PLVAP: variants seen among roughly 807,000 people sequenced by gnomAD.
PLVAP encodes the protein plasmalemma vesicle associated protein.
In PLVAP, 34 loss-of-function variants were observed where a neutral mutation model predicts 43.1. The observed-to-expected ratio is 0.79, with a 90% CI of 0.60 to 1.05. The LOEUF is 1.05. Among genes scored for constraint, PLVAP ranks in the 50% least tolerant of loss-of-function variants. The pLI is 0.00. For synonymous variants in PLVAP, 241 were observed against 237.3 expected (o/e 1.02, Z -0.14); for missense variants, 574 against 593.4 (o/e 0.97, Z 0.34).
Position 17,366,195 on chromosome 19 carries a change from C to T in PLVAP, c.370G>A (p.Val124Ile). 1 of 1,614,038 alleles carries T rather than the reference C, an allele frequency of 6.2e-7. No homozygotes were observed. Among genetic ancestry groups the T allele is most frequent in the East Asian group, 2.2e-5 (1 of 44,876 alleles). Residue 124 changes from valine to isoleucine, a missense_variant and splice_region_variant, in exon 2 of 6, where the codon GTC becomes ATC. Physicochemically the swap from Val to Ile is conservative, Grantham distance 29 (BLOSUM62 3). Transcript: ENST00000252590. ...ASFRQCQGDR[V>I]IYTNNQRYMA... ...TACCTCTGATTGTTCGTGTAGATGACCTGCCCGGAAGATAGGGGAAGGACG... is the reference window on the plus strand; with the variant it reads ...TACCTCTGATTGTTCGTGTAGATGATCTGCCCGGAAGATAGGGGAAGGACG...
At chr19:17,362,874 T>G (rs943394353) in intron 3 of PLVAP, 1 of 151,428 alleles carries the variant, frequency 6.6e-6, no homozygotes. Flanking sequence ...TAAACACGAG[T>G]TCAACCTTCA....
chr19:17,372,384 G>T (rs1339523283), intron 1 of PLVAP, among the ~76,000 whole-genome samples: 1 of 149,972 alleles, frequency 6.7e-6, no homozygotes, highest in Admixed American at 6.7e-5. Flanking sequence ...AATCCAGCCT[G>T]GGCGACAGAG....
intron 1 of PLVAP, among the ~76,000 whole-genome samples, chr19:17,375,896 A>AC (rs1463070546): frequency 2.0e-5 from 3 of 149,966 alleles, no homozygotes; most frequent in African/African-American, 7.4e-5. Flanking sequence ...AAAAAAAAAA[A>AC]ATTGCCAGGT....
At position 17,365,183 on chromosome 19, in the gene PLVAP, A is replaced by G. The variant is rs529660815; in HGVS notation, c.1179+103T>C. Reference sequence around the variant, plus strand: ...AGTTGTAACTCACCCAACCTAGACCAGGAAGCCATCCTCAAAGCCAACTCC... The same window carrying G: ...AGTTGTAACTCACCCAACCTAGACCGGGAAGCCATCCTCAAAGCCAACTCC... On this transcript the variant is annotated intron_variant, in intron 3 of 5. Transcript: ENST00000252590. 253 of 1,052,184 alleles carry G rather than the reference A, an allele frequency of 2.4e-4. No homozygotes were observed. The African/African-American group carries it at 3.6e-3, about 15-fold the overall frequency. The allele number at this position is 1,052,184 out of a possible 1,614,324, so 65.2% of individuals were successfully genotyped here.
At chr19:17,358,000 C>G (rs900021667) in intron 5 of PLVAP, among the ~76,000 whole-genome samples, 3 of 152,208 alleles carry the variant, frequency 2.0e-5, no homozygotes, top group Non-Finnish European at 2.9e-5. Context: ...CCAGGCTGCT[C>G]ACTTCCCTGG....
intron 5 of PLVAP, among the ~76,000 whole-genome samples, chr19:17,353,203 G>C (rs1401224116): frequency 6.6e-6 from 1 of 152,162 alleles, no homozygotes; most frequent in Non-Finnish European, 1.5e-5. Flanking sequence ...CACGTTCCTT[G>C]GTTGGCTCTG....
intron 1 of PLVAP, among the ~76,000 whole-genome samples, chr19:17,367,940 C>T (rs2074556666): frequency 6.6e-6 from 1 of 152,012 alleles, no homozygotes; most frequent in Non-Finnish European, 1.5e-5. Flanking sequence ...CTCTATCACC[C>T]AGGCTGGAGT....
chr19:17,358,212 T>C (rs2074513730), intron 5 of PLVAP, among the ~76,000 whole-genome samples: 1 of 148,610 alleles, frequency 6.7e-6, no homozygotes, highest in Non-Finnish European at 1.5e-5. Flanking sequence ...GCAAAGGGGT[T>C]GAGAGACAGC....
chr19:17,369,049 C>T (rs1415851169), intron 1 of PLVAP, among the ~76,000 whole-genome samples: 1 of 152,170 alleles, frequency 6.6e-6, no homozygotes, highest in Non-Finnish European at 1.5e-5. Flanking sequence ...AAGGAACCAA[C>T]CCCGCTAACA....
chr19:17,372,816 G>A (rs1430738701), intron 1 of PLVAP, among the ~76,000 whole-genome samples: 3 of 149,804 alleles, frequency 2.0e-5, no homozygotes, highest in African/African-American at 4.9e-5. Flanking sequence ...TGTAATCCCA[G>A]CACTGGGAGG....
intron 1 of PLVAP, among the ~76,000 whole-genome samples, chr19:17,375,460 T>TA (rs377672060): frequency 2.4e-4 from 36 of 152,032 alleles, no homozygotes; most frequent in African/African-American, 6.0e-4. Flanking sequence ...ACTTACAGTT[T>TA]AAAAAAAATG....
chr19:17,367,999 G>T (rs958417836), intron 1 of PLVAP, among the ~76,000 whole-genome samples: 1 of 151,534 alleles, frequency 6.6e-6, no homozygotes, highest in Admixed American at 6.6e-5. Flanking sequence ...CCGGGTTCAA[G>T]TGATTCTCCT....
intron 1 of PLVAP, among the ~76,000 whole-genome samples, chr19:17,371,315 C>A (rs2074571235): frequency 6.6e-6 from 1 of 150,730 alleles, no homozygotes; most frequent in Non-Finnish European, 1.5e-5. Context: ...GGGTGCACCA[C>A]CATGACCAGC....
At chr19:17,368,912 A>G (rs969967137) in intron 1 of PLVAP, among the ~76,000 whole-genome samples, 4 of 152,132 alleles carry the variant, frequency 2.6e-5, no homozygotes, top group African/African-American at 4.8e-5. Flanking sequence ...GGGGAGGCGG[A>G]GGTTGCAGTG....
intron 1 of PLVAP, among the ~76,000 whole-genome samples, chr19:17,370,994 T>C (rs961249045): frequency 6.6e-6 from 1 of 151,244 alleles, no homozygotes; most frequent in Non-Finnish European, 1.5e-5. Context: ...AGGCAGAGCT[T>C]GCAATGAGCT....
chr19:17,367,837 A>G (rs1284603325), intron 1 of PLVAP, among the ~76,000 whole-genome samples: 7 of 151,892 alleles, frequency 4.6e-5, no homozygotes, highest in Non-Finnish European at 7.4e-5. Flanking sequence ...TGCTGCTATG[A>G]GCTCAACTGT....
rs2145722836 is a variant in PLVAP, at chr19:17,365,479, G to A, written c.986C>T (p.Ala329Val). The change falls in exon 3 of 6, where the codon GCT becomes GTT. Residue 329 changes from alanine to valine, a missense_variant. Coordinates refer to ENST00000252590, the MANE Select transcript of PLVAP (RefSeq NM_031310.3). The stretch of plus-strand genomic sequence containing the variant: ...TTGGAGCTTGGCCTCCCGGGCCTGA[G>A]CCTCCTTCTCCACCTTCTGTTTCGC... ...QEAKQKVEKE[A>V]QAREAKLQAE... The A allele has an allele frequency of 1.2e-6, 2 of 1,612,638 alleles. No individual in the cohort carries two copies. Among genetic ancestry groups the A allele is most frequent in the Non-Finnish European group, 1.7e-6 (2 of 1,180,032 alleles).
intron 5 of PLVAP, among the ~76,000 whole-genome samples, chr19:17,358,116 G>A (rs987128608): frequency 6.6e-6 from 1 of 152,176 alleles, no homozygotes; most frequent in African/African-American, 2.4e-5. Flanking sequence ...TTTGCTTGGA[G>A]CGGGGAATCT....
chr19:17,358,721 C>T lies in PLVAP; in HGVS notation c.1322+1807G>A, dbSNP rs960839076. Among the ~76,000 whole-genome samples, 10 of 152,302 alleles carry T rather than the reference C, an allele frequency of 6.6e-5. No homozygotes were observed. In the Middle Eastern group the frequency reaches 0.01, roughly 155 times the overall value. ...AGCCCTTGCTGCTTCCTACAGAGGC[C>T]CCTAGTCCCTTGCTCCGGTCATTTT... On this transcript the variant is annotated intron_variant, in intron 5 of 5. Transcript: ENST00000252590.
Sources: allele counts gnomAD v4.1 joint callset (sites outside exome capture counted in the v4.1 genomes callset), GRCh38; gene constraint gnomAD v4.1.1; transcripts MANE v1.5; gene names NCBI Gene and HGNC (gene_info 2026-07-23, HGNC 2026-07-21).